Variants in EVI5 observed in about 807,000 individuals in gnomAD.
EVI5 encodes ecotropic viral integration site 5.
A neutral mutation model predicts 112.0 loss-of-function variants in EVI5; 73 were observed. That is an observed-to-expected ratio of 0.65 (90% CI 0.54 to 0.79). The LOEUF is 0.79. Among genes scored for constraint, EVI5 ranks in the 30% least tolerant of loss-of-function variants. EVI5 has a pLI of 0.00. For missense variants in EVI5, 900 were observed against 968.8 expected, an observed-to-expected ratio of 0.93 and a Z score of 0.94; for synonymous variants, 305 against 319.9, an observed-to-expected ratio of 0.95 and a Z score of 0.50.
chr1:92,674,938 T>G (rs1350148114), intron 10 of EVI5, among the ~76,000 whole-genome samples: 39 of 152,224 alleles, frequency 2.6e-4, no homozygotes, highest in Admixed American at 2.6e-3. Flanking sequence ...TTTTTCCGAT[T>G]CTTCTCTATA....
intron 13 of EVI5, among the ~76,000 whole-genome samples, chr1:92,659,668 C>T (rs1663640214): frequency 6.6e-6 from 1 of 151,956 alleles, no homozygotes; most frequent in Non-Finnish European, 1.5e-5. Context: ...ACCTGTATGA[C>T]AAATGGTATG....
chr1:92,621,384 C>CT (rs1388593355), intron 16 of EVI5, among the ~76,000 whole-genome samples: 6 of 152,230 alleles, frequency 3.9e-5, no homozygotes, highest in African/African-American at 1.4e-4. Flanking sequence ...TCTTGGCTCA[C>CT]TGCTGCAACC....
rs560538507 is a variant in EVI5, at chr1:92,617,063, G to T, written c.1827+7113C>A. Among the ~76,000 whole-genome samples the T allele has an allele frequency of 4.6e-5, 7 of 152,320 alleles. No individual in the cohort carries two copies. In the South Asian group the frequency reaches 1.2e-3, roughly 27 times the overall value. On this transcript the variant is annotated intron_variant, in intron 16 of 19. Coordinates refer to ENST00000684568, the MANE Select transcript of EVI5 (RefSeq NM_001350197.2). Reference sequence around the variant, plus strand: ...CATGGGGAGTTCCCTATGATCAGCTGACAGAGGAAGAGAAGACCAGGGCCT... The same window carrying T: ...CATGGGGAGTTCCCTATGATCAGCTTACAGAGGAAGAGAAGACCAGGGCCT...
chr1:92,602,797 T>G (rs112551097), intron 18 of EVI5, among the ~76,000 whole-genome samples: 4,106 of 152,178 alleles, frequency 0.027, 160 homozygotes, highest in African/African-American at 0.082. Flanking sequence ...AAAAATGGAC[T>G]TGGAGCACAG....
intron 19 of EVI5, among the ~76,000 whole-genome samples, chr1:92,527,220 G>T (rs1481306580): frequency 2.0e-5 from 3 of 151,984 alleles, no homozygotes. Context: ...TTCAAGACCA[G>T]CCTGGCCAAA....
At chr1:92,557,284 CTTTT>C (rs1667823347) in intron 19 of EVI5, among the ~76,000 whole-genome samples, 2 of 148,622 alleles carry the variant, frequency 1.3e-5, no homozygotes, top group African/African-American at 4.9e-5. Flanking sequence ...TCTCTTTTTT[CTTTT>C]TCTTTTTTTG....
At chr1:92,730,683 C>CAA (rs1226099468) in intron 2 of EVI5, among the ~76,000 whole-genome samples, 1,504 of 59,128 alleles carry the variant, frequency 0.025, 60 homozygotes, top group African/African-American at 0.078. Context: ...CCTTCTCTCA[C>CAA]AAAAAAAAAA....
chr1:92,531,308 TTGAC>T (rs1662826958), intron 19 of EVI5, among the ~76,000 whole-genome samples: 1 of 152,016 alleles, frequency 6.6e-6, no homozygotes, highest in South Asian at 2.1e-4. Context: ...AAATCTACGT[TTGAC>T]TGGTGTACCT....
chr1:92,725,301 G>C (rs1675394330), intron 2 of EVI5, among the ~76,000 whole-genome samples: 1 of 152,162 alleles, frequency 6.6e-6, no homozygotes, highest in South Asian at 2.1e-4. Context: ...AAAAGTTACT[G>C]TTTCAAGACA....
At chr1:92,549,988 C>T (rs557077608) in intron 19 of EVI5, among the ~76,000 whole-genome samples, 1 of 152,278 alleles carries the variant, frequency 6.6e-6, no homozygotes, top group East Asian at 1.9e-4. Flanking sequence ...ACCCAGCCAT[C>T]CCATTGCTGG....
intron 13 of EVI5, among the ~76,000 whole-genome samples, chr1:92,642,404 T>C (rs928480521): frequency 1.1e-4 from 16 of 152,324 alleles, no homozygotes; most frequent in Non-Finnish European, 8.8e-5. Flanking sequence ...AAAATCTCCG[T>C]CCAGATTTAT....
At chr1:92,565,982 G>A (rs1351709873) in intron 18 of EVI5, among the ~76,000 whole-genome samples, 2 of 56,432 alleles carry the variant, frequency 3.5e-5, no homozygotes, top group African/African-American at 1.5e-4. Flanking sequence ...ATGTTCTAGC[G>A]ACAGAGTGGG....
intron 2 of EVI5, among the ~76,000 whole-genome samples, chr1:92,706,999 TGG>T (rs1192965795): frequency 2.0e-5 from 3 of 151,102 alleles, no homozygotes; most frequent in Admixed American, 6.6e-5. Flanking sequence ...CTGACCAACA[TGG>T]AGAAACCCTG....
chr1:92,711,559 G>T (rs1430727771), intron 2 of EVI5, among the ~76,000 whole-genome samples: 3 of 152,148 alleles, frequency 2.0e-5, no homozygotes, highest in Non-Finnish European at 4.4e-5. Flanking sequence ...GAAGGCTGAA[G>T]TAGAAGGACT....
At chr1:92,566,791 T>C (rs904467147) in intron 18 of EVI5, among the ~76,000 whole-genome samples, 1 of 149,698 alleles carries the variant, frequency 6.7e-6, no homozygotes, top group African/African-American at 2.5e-5. Context: ...CAGAGAATAA[T>C]GTGTGTGCCT....
At chr1:92,602,356 GAAGT>G (rs1207194929) in intron 18 of EVI5, among the ~76,000 whole-genome samples, 1 of 152,096 alleles carries the variant, frequency 6.6e-6, no homozygotes, top group Admixed American at 6.6e-5. Context: ...TATTATACAA[GAAGT>G]AAGGCATAAG....
chr1:92,595,253 A>C (rs1025109776), intron 18 of EVI5, among the ~76,000 whole-genome samples: 1 of 151,884 alleles, frequency 6.6e-6, no homozygotes, highest in Admixed American at 6.6e-5. Flanking sequence ...GGATGAGTTC[A>C]TGTCCTTTGT....
In EVI5 at chr1:92,640,941, C is replaced by A. The variant is rs145257036; in HGVS notation, c.1393-4605G>T. On this transcript the variant is annotated intron_variant, in intron 13 of 19. Coordinates refer to ENST00000684568, the MANE Select transcript of EVI5 (RefSeq NM_001350197.2). The stretch of plus-strand genomic sequence containing the variant: ...CATGTCTTTTGCAGGGACATAGAAG[C>A]CATCATCCTCAGCAAACTGACACAG... Among the ~76,000 whole-genome samples the A allele has an allele frequency of 2.3e-4, 35 of 151,972 alleles. No homozygotes were observed. In the East Asian group the frequency reaches 6.8e-3, roughly 29 times the overall value.
intron 19 of EVI5, among the ~76,000 whole-genome samples, chr1:92,546,552 C>T (rs1189708862): frequency 3.3e-5 from 5 of 151,920 alleles, no homozygotes; most frequent in Non-Finnish European, 5.9e-5. Flanking sequence ...TAAAATTAAC[C>T]GGGCATGGTG....
Sources: gnomAD v4.1 joint callset for allele counts (sites outside exome capture counted in the v4.1 genomes callset) on GRCh38, gnomAD v4.1.1 for gene constraint, MANE v1.5 for transcripts, NCBI Gene and HGNC (gene_info 2026-07-23, HGNC 2026-07-21) for gene names.